AMMECR1: variants seen among roughly 807,000 people sequenced by gnomAD.
AMMECR1 encodes AMMECR nuclear protein 1, also known as nuclear protein AMMECR1.
A neutral mutation model predicts 22.5 loss-of-function variants in AMMECR1; 3 were observed. That is an observed-to-expected ratio of 0.13 (90% CI 0.06 to 0.35). The LOEUF is 0.35. Ranked by LOEUF, AMMECR1 falls within the 10% of genes least tolerant of loss-of-function variation. The probability of loss-of-function intolerance (pLI) is 1.00; values close to 1 mark genes in which losing one functional copy is unlikely to be tolerated. For missense variants in AMMECR1, 235 were observed against 278.7 expected, an observed-to-expected ratio of 0.84 and a Z score of 1.12; for synonymous variants, 130 against 116.7, an observed-to-expected ratio of 1.11 and a Z score of -0.74.
At chrX:110,288,870 A>C (rs915371574) in intron 1 of AMMECR1, among the ~76,000 whole-genome samples, 1 of 112,060 alleles carries the variant, frequency 8.9e-6, no homozygotes, top group Non-Finnish European at 1.9e-5. Context: ...TATAACTTCT[A>C]CAGCATTCCC....
At chrX:110,273,089 C>G (rs888355179) in intron 1 of AMMECR1, among the ~76,000 whole-genome samples, 3 of 111,953 alleles carry the variant, frequency 2.7e-5, no homozygotes, top group Non-Finnish European at 3.8e-5. Context: ...AATGGCCATC[C>G]TGTTTTCCAT....
chrX:110,369,329 C>G (rs182719474), intron 2 of AMMECR1, among the ~76,000 whole-genome samples: 1 of 110,826 alleles, frequency 9.0e-6, no homozygotes, highest in East Asian at 2.8e-4. Context: ...AAGATTCTGT[C>G]TCAGTAAAAG....
intron 1 of AMMECR1, among the ~76,000 whole-genome samples, chrX:110,314,050 G>A (rs763301466): frequency 4.7e-4 from 52 of 111,527 alleles, no homozygotes; most frequent in African/African-American, 1.5e-3. Context: ...CAGAAACTCC[G>A]GGAATGGGGC....
chrX:110,367,963 A>G (rs757584124), intron 2 of AMMECR1, among the ~76,000 whole-genome samples: 1 of 93,268 alleles, frequency 1.1e-5, no homozygotes, highest in Non-Finnish European at 2.1e-5. Context: ...TACTCACCAC[A>G]GTGCTGGCTA....
At chrX:110,217,868 T>G (rs1451300708) in intron 2 of AMMECR1, among the ~76,000 whole-genome samples, 1 of 111,335 alleles carries the variant, frequency 9.0e-6, no homozygotes, top group Non-Finnish European at 1.9e-5. Flanking sequence ...TCCACTGCGT[T>G]TTTATATTTG....
chrX:110,230,596 A>T (rs1293017936), intron 2 of AMMECR1, among the ~76,000 whole-genome samples: 1 of 112,207 alleles, frequency 8.9e-6, no homozygotes, highest in East Asian at 2.8e-4. Flanking sequence ...AAAAGCTGAA[A>T]ATTCTAAAAA....
intron 2 of AMMECR1, among the ~76,000 whole-genome samples, chrX:110,404,548 T>C (rs2068585459): frequency 8.9e-6 from 1 of 112,077 alleles, no homozygotes; most frequent in Non-Finnish European, 1.9e-5. Context: ...GAAACTGTAA[T>C]TACGAAAGCT....
At chrX:110,277,689 ACACTACT>A (rs2067833216) in intron 1 of AMMECR1, among the ~76,000 whole-genome samples, 1 of 112,014 alleles carries the variant, frequency 8.9e-6, no homozygotes, top group East Asian at 2.8e-4. Flanking sequence ...CAGGGGCAAC[ACACTACT>A]CAGAACCCAA....
At chrX:110,296,158 A>T (rs2148215444) in intron 1 of AMMECR1, among the ~76,000 whole-genome samples, 1 of 112,102 alleles carries the variant, frequency 8.9e-6, no homozygotes, top group African/African-American at 3.2e-5. Flanking sequence ...TCTTGCCTTT[A>T]TAAAATATAG....
At chrX:110,234,958 A>G (rs1034394013) in intron 2 of AMMECR1, among the ~76,000 whole-genome samples, 1 of 112,451 alleles carries the variant, frequency 8.9e-6, no homozygotes, top group Non-Finnish European at 1.9e-5. Context: ...AGCAATGGCA[A>G]CAAAAGCCAA....
chrX:110,354,838 G>A (rs1301505651), intron 2 of AMMECR1, among the ~76,000 whole-genome samples: 5 of 111,654 alleles, frequency 4.5e-5, no homozygotes, highest in South Asian at 3.7e-4. Flanking sequence ...TCACCAATTC[G>A]AAATAAATAA....
At chrX:110,329,408 G>A (rs925825233) in intron 2 of AMMECR1, among the ~76,000 whole-genome samples, 4 of 111,476 alleles carry the variant, frequency 3.6e-5, no homozygotes, top group African/African-American at 1.3e-4. Context: ...CATCTTTATA[G>A]GACCCACTTC....
In AMMECR1 at chrX:110,317,818, A is replaced by G; in HGVS notation, c.254T>C (p.Leu85Pro). 8.6e-7 allele frequency: 1 copy of G among 1,158,134 alleles called. No homozygotes were observed. The highest frequency in any genetic ancestry group is 2.0e-5 in the South Asian group (1 of 50,111). Residue 85 changes from leucine (L) to proline (P), a missense_variant, in exon 1 of 6, where the codon CTG (leucine) becomes CCG (proline). Coordinates refer to ENST00000262844, the MANE Select transcript of AMMECR1 (RefSeq NM_015365.3). Reference protein sequence around the residue: ...GCGGGGGGIALSPPPSCGVGT... With the variant: ...GCGGGGGGIAPSPPPSCGVGT... ...CACTCCGCAGCTCGGAGGTGGCGAC[A>G]GGGCGATCCCCCCGCCGCCGCCGCC...
chrX:110,423,871 A>T (rs1248302199), intron 2 of AMMECR1, among the ~76,000 whole-genome samples: 1 of 112,329 alleles, frequency 8.9e-6, no homozygotes, highest in Non-Finnish European at 1.9e-5. Context: ...TTATTGAGAC[A>T]GTTCTTATTT....
intron 2 of AMMECR1, among the ~76,000 whole-genome samples, chrX:110,231,644 G>A (rs1399712191): frequency 9.0e-6 from 1 of 111,695 alleles, no homozygotes; most frequent in East Asian, 2.8e-4. Context: ...CATAATGACA[G>A]GGTCAAATTC....
intron 2 of AMMECR1, among the ~76,000 whole-genome samples, chrX:110,426,004 A>G (rs367715269): frequency 7.3e-5 from 8 of 109,841 alleles, no homozygotes; most frequent in South Asian, 3.8e-4. Context: ...ACACAAACGC[A>G]CACACACACA....
intron 2 of AMMECR1, among the ~76,000 whole-genome samples, chrX:110,249,634 G>A (rs1450604069): frequency 8.9e-6 from 1 of 111,963 alleles, no homozygotes; most frequent in Non-Finnish European, 1.9e-5. Context: ...GGGTGCGGTG[G>A]CTCACACCTG....
chrX:110,320,063 A>G (rs2068073047), upstream of AMMECR1, among the ~76,000 whole-genome samples: 1 of 112,534 alleles, frequency 8.9e-6, no homozygotes, highest in Non-Finnish European at 1.9e-5. Flanking sequence ...CAAAAGGGAT[A>G]GTTTAATTGG....
chrX:110,295,757 A>C (rs1182107480), intron 1 of AMMECR1, among the ~76,000 whole-genome samples: 2 of 111,726 alleles, frequency 1.8e-5, no homozygotes, highest in African/African-American at 6.5e-5. Flanking sequence ...TCTTAACCTA[A>C]AACAATCTAG....
Sources: gnomAD v4.1 joint callset for allele counts (sites outside exome capture counted in the v4.1 genomes callset) on GRCh38, gnomAD v4.1.1 for gene constraint, MANE v1.5 for transcripts, NCBI Gene and HGNC (gene_info 2026-07-23, HGNC 2026-07-21) for gene names.